Variants in ADGRV1 observed in about 807,000 individuals in gnomAD.
ADGRV1 encodes adhesion G protein-coupled receptor V1, also known as G-protein coupled receptor 98.
A neutral mutation model predicts 596.2 loss-of-function variants in ADGRV1; 359 were observed. The ratio of observed to expected loss-of-function variants is 0.60; its 90% CI spans 0.55 to 0.66. The LOEUF (loss-of-function observed/expected upper bound fraction) is 0.66. Ranked by LOEUF, ADGRV1 falls within the 30% of genes least tolerant of loss-of-function variation. The pLI is 0.00. For synonymous variants in ADGRV1, 2,681 were observed against 2,679.2 expected, an observed-to-expected ratio of 1.00 and a Z score of -0.02; for missense variants, 7,274 against 7,575.6, an observed-to-expected ratio of 0.96 and a Z score of 1.48.
At chr5:90,565,937 C>T (rs1251545193) in intron 1 of ADGRV1, among the ~76,000 whole-genome samples, 1 of 152,080 alleles carries the variant, frequency 6.6e-6, no homozygotes, top group Non-Finnish European at 1.5e-5. Context: ...TTTTCATATG[C>T]TTGTTGGTCA....
chr5:90,883,664 G>A (rs1360163991), intron 83 of ADGRV1, among the ~76,000 whole-genome samples: 6 of 151,686 alleles, frequency 4.0e-5, no homozygotes, highest in Admixed American at 2.0e-4. Flanking sequence ...TTGCTTCTTC[G>A]GCCTTTCACC....
chr5:90,878,416 G>A lies in ADGRV1; in HGVS notation c.17856+14559G>A, dbSNP rs1035059027. Among the ~76,000 whole-genome samples, 4 of 152,188 alleles carry A rather than the reference G, an allele frequency of 2.6e-5. No homozygotes were observed. The East Asian group carries it at 7.7e-4, about 29-fold the overall frequency. Reference sequence around the variant, plus strand: ...GAGAGAGGAAGCAACTTGAAGAAAAGATTGTTTACCACTTAAATTTAACAT... The same window carrying A: ...GAGAGAGGAAGCAACTTGAAGAAAAAATTGTTTACCACTTAAATTTAACAT... On this transcript the variant is annotated intron_variant, in intron 83 of 89. Transcript: ENST00000405460.
chr5:91,110,600 A>C (rs1792280604), intron 87 of ADGRV1, among the ~76,000 whole-genome samples: 1 of 152,154 alleles, frequency 6.6e-6, no homozygotes. Context: ...TCTCACACTT[A>C]CTGTGTTAGA....
chr5:90,781,677 T>G (rs1356706812), intron 65 of ADGRV1, 99 bp downstream of exon 65: 4 of 1,060,866 alleles, frequency 3.8e-6, no homozygotes, highest in Non-Finnish European at 4.1e-6. Flanking sequence ...TTGGTGTGGG[T>G]GTGTGTGTTT....
At chr5:90,904,083 T>C (rs1387697166) in intron 83 of ADGRV1, among the ~76,000 whole-genome samples, 1 of 152,046 alleles carries the variant, frequency 6.6e-6, no homozygotes, top group African/African-American at 2.4e-5. Context: ...TTGTTGCAGA[T>C]GATAGGATCT....
chr5:90,703,612 T>C, intron 34 of ADGRV1, 53 bp from the exon 35 acceptor site: 2 of 1,380,380 alleles, frequency 1.4e-6, no homozygotes, highest in South Asian at 1.3e-5. Context: ...TGAGTTCAAA[T>C]GTGAAGTTTA....
chr5:90,819,159 A>G (rs1763220213), intron 75 of ADGRV1, among the ~76,000 whole-genome samples: 3 of 152,166 alleles, frequency 2.0e-5, no homozygotes, highest in Non-Finnish European at 4.4e-5. Flanking sequence ...TGTATGTGTC[A>G]AGGAATTTAT....
At position 90,774,626 on chromosome 5, in the gene ADGRV1, T is replaced by TCC. The variant is rs1390995807; in HGVS notation, c.12403+323_12403+324insCC. On this transcript the variant is annotated intron_variant, in intron 60 of 89. Transcript: ENST00000405460. ...AAATGGTCCAACAGTAGGAGACTAG[T>TCC]TAAATGTGTCAGAATACTAGGCAGC... Among the ~76,000 whole-genome samples the TCC allele has an allele frequency of 9.9e-5, 15 of 152,230 alleles. No homozygotes were observed. The East Asian group carries it at 2.9e-3, about 29-fold the overall frequency.
chr5:90,895,998 G>A (rs960752493), intron 83 of ADGRV1, among the ~76,000 whole-genome samples: 4 of 151,748 alleles, frequency 2.6e-5, no homozygotes, highest in South Asian at 4.2e-4. Flanking sequence ...CAATGGGGGT[G>A]CAGATAAGTG....
intron 48 of ADGRV1, among the ~76,000 whole-genome samples, chr5:90,727,950 A>G (rs1752021796): frequency 6.6e-6 from 1 of 152,214 alleles, no homozygotes; most frequent in South Asian, 2.1e-4. Context: ...TGTCATCTTC[A>G]GTACTTGACT....
At chr5:90,912,260 G>A (rs1772954235) in intron 83 of ADGRV1, among the ~76,000 whole-genome samples, 1 of 152,052 alleles carries the variant, frequency 6.6e-6, no homozygotes, top group Non-Finnish European at 1.5e-5. Context: ...CCCTTCTAAG[G>A]AAGCAAGCAG....
chr5:90,611,765 G>A (rs377509142), intron 1 of ADGRV1, among the ~76,000 whole-genome samples: 1 of 151,840 alleles, frequency 6.6e-6, no homozygotes, highest in African/African-American at 2.4e-5. Context: ...CTTATGTGCT[G>A]TGTCAATTAC....
In ADGRV1 at chr5:90,693,766, G is replaced by A. The variant is rs540553034; in HGVS notation, c.7134-124G>A. 10 of 674,632 alleles carry A rather than the reference G, an allele frequency of 1.5e-5. No homozygotes were observed. The South Asian group carries it at 2.6e-4, about 18-fold the overall frequency. 41.8% of individuals were successfully genotyped at this position (674,632 alleles called of 1,614,324 possible). ...ACAAGTGTAATTAAGAAACAGGATT[G>A]TGTTTGTACTATGACTTTAAACATT... On this transcript the variant is annotated intron_variant, in intron 32 of 89. Transcript: ENST00000405460.
At chr5:90,703,504 G>A (rs1176791525) in intron 34 of ADGRV1, among the ~76,000 whole-genome samples, 161 bp from the exon 35 acceptor site, 1 of 152,058 alleles carries the variant, frequency 6.6e-6, no homozygotes, top group East Asian at 1.9e-4. Flanking sequence ...TAAACAATAA[G>A]CATGTATAAA....
chr5:91,093,092 C>G (rs1168488870), intron 86 of ADGRV1, among the ~76,000 whole-genome samples: 1 of 152,136 alleles, frequency 6.6e-6, no homozygotes, highest in Non-Finnish European at 1.5e-5. Context: ...CTAATACTTA[C>G]CAAATTGATG....
intron 79 of ADGRV1, among the ~76,000 whole-genome samples, chr5:90,849,723 G>A (rs1041596190): frequency 6.6e-6 from 1 of 152,078 alleles, no homozygotes; most frequent in Non-Finnish European, 1.5e-5. Flanking sequence ...GACATACGAA[G>A]TTCAAAGAGA....
At chr5:91,071,603 T>C (rs1325359510) in intron 85 of ADGRV1, among the ~76,000 whole-genome samples, 1 of 152,194 alleles carries the variant, frequency 6.6e-6, no homozygotes, top group Non-Finnish European at 1.5e-5. Flanking sequence ...ATGTGAATTA[T>C]TTCGGTTAAT....
rs1402148870 is a variant in ADGRV1, at chr5:90,840,687, G to A, written c.16721G>A (p.Ser5574Asn). Residue 5574 changes from serine (S) to asparagine (N), a missense_variant, in exon 78 of 90, where the codon AGC (serine) becomes AAC (asparagine). Ser to Asn is a conservative substitution (Grantham distance 46). This residue lies in a region of ADGRV1 where 1,874 missense variants were observed against 1,970.2 expected (regional missense o/e 0.95). Coordinates refer to ENST00000405460, the MANE Select transcript of ADGRV1 (RefSeq NM_032119.4). ...GTLVFEPGQRSTVLDVILTPE... is the reference protein window; with the variant it reads ...GTLVFEPGQRNTVLDVILTPE... ...TTGGTCTTTGAACCTGGCCAGAGAA[G>A]CACTGTATTGGATGTCATCCTAACG... 1 of 1,614,014 alleles carries A rather than the reference G, an allele frequency of 6.2e-7. No homozygotes were observed. Among genetic ancestry groups the A allele is most frequent in the South Asian group, 1.1e-5 (1 of 91,086 alleles).
At chr5:90,777,318 T>C (rs76867094) in intron 61 of ADGRV1, among the ~76,000 whole-genome samples, 14 of 152,248 alleles carry the variant, frequency 9.2e-5, no homozygotes, top group Admixed American at 3.9e-4. Flanking sequence ...CCTCCAACAC[T>C]TGAGGTCACA....
Sources: allele counts gnomAD v4.1 joint callset (sites outside exome capture counted in the v4.1 genomes callset), GRCh38; gene constraint gnomAD v4.1.1; regional missense constraint gnomAD v4.1.1; transcripts MANE v1.5; gene names NCBI Gene and HGNC (gene_info 2026-07-23, HGNC 2026-07-21).